The following NDUFA5 variants were observed in gnomAD, a reference collection of about 807,000 sequenced individuals.
The protein encoded by NDUFA5 is NADH dehydrogenase [ubiquinone] 1 alpha subcomplex subunit 5.
Under a neutral mutation model 19.8 loss-of-function variants are expected in NDUFA5, and 11 were observed. The ratio of observed to expected loss-of-function variants is 0.56; its 90% CI spans 0.35 to 0.92. NDUFA5 has a LOEUF of 0.92. Ranked by LOEUF, NDUFA5 falls within the 40% of genes least tolerant of loss-of-function variation. The probability of loss-of-function intolerance (pLI) is 0.01; values close to 1 mark genes in which losing one functional copy is unlikely to be tolerated. For synonymous variants in NDUFA5, 47 were observed against 46.8 expected (o/e 1.00, Z -0.01); for missense variants, 109 against 134.2 (o/e 0.81, Z 0.93).
At chr7:123,548,647 ATTG>A (rs1798219594) in intron 3 of NDUFA5, among the ~76,000 whole-genome samples, 1 of 152,234 alleles carries the variant, frequency 6.6e-6, no homozygotes, top group Non-Finnish European at 1.5e-5. Flanking sequence ...ACAGGATCAG[ATTG>A]AGAAAATAAC....
chr7:123,570,065 G>T, the NDUFA5 span, among the ~76,000 whole-genome samples: 1 of 132,042 alleles, frequency 7.6e-6, no homozygotes, highest in Non-Finnish European at 1.6e-5. Flanking sequence ...GACGGAGTCT[G>T]GCTCTGTTGC....
intron 3 of NDUFA5, among the ~76,000 whole-genome samples, chr7:123,546,069 T>C (rs1212334619): frequency 6.6e-6 from 1 of 152,116 alleles, no homozygotes; most frequent in Non-Finnish European, 1.5e-5. Context: ...CAGAAATGCA[T>C]AATATATTTT....
the NDUFA5 span, among the ~76,000 whole-genome samples, chr7:123,573,129 T>C: frequency 3.5e-4 from 53 of 152,202 alleles, no homozygotes; most frequent in African/African-American, 1.2e-3. Flanking sequence ...TTCTTTTCTA[T>C]TATTGTCTAT....
chr7:123,548,059 C>T (rs148399606), intron 3 of NDUFA5, among the ~76,000 whole-genome samples: 27 of 152,040 alleles, frequency 1.8e-4, no homozygotes, highest in African/African-American at 4.6e-4. Flanking sequence ...ACACAAACAA[C>T]GCTTTTCACC....
chr7:123,585,381 G>A, the NDUFA5 span, among the ~76,000 whole-genome samples: 2 of 151,716 alleles, frequency 1.3e-5, no homozygotes, highest in Non-Finnish European at 2.9e-5. Context: ...CACACTAGGA[G>A]AAAGTCCTCA....
At chr7:123,545,870 A>C (rs939373198) in intron 3 of NDUFA5, 194 bp from the exon 4 acceptor site, 41 of 495,504 alleles carry the variant, frequency 8.3e-5, no homozygotes, top group Non-Finnish European at 1.4e-5. Flanking sequence ...AATATTGAAA[A>C]GTGCTAAATG....
the NDUFA5 span, among the ~76,000 whole-genome samples, chr7:123,597,920 G>GTGTGTGTGTA: frequency 0.044 from 3,238 of 72,776 alleles, 72 homozygotes; most frequent in South Asian, 0.12. Flanking sequence ...CAAACTTCGT[G>GTGTGTGTGTA]TGTGTGTGTG....
chr7:123,568,453 G>A, the NDUFA5 span, among the ~76,000 whole-genome samples: 1 of 151,946 alleles, frequency 6.6e-6, no homozygotes, highest in Non-Finnish European at 1.5e-5. Flanking sequence ...CCGGGAGGGT[G>A]GAGGTTGCAG....
Position 123,551,568 on chromosome 7 carries a change from T to C in NDUFA5, c.67-982A>G, listed in dbSNP as rs1384272791. ...AAATTTTTTTTTTTAATTTTTCTTATTTGAATTTCTGTAGAAATAAACACA... is the reference window on the plus strand; with the variant it reads ...AAATTTTTTTTTTTAATTTTTCTTACTTGAATTTCTGTAGAAATAAACACA... On this transcript the variant is annotated intron_variant, in intron 2 of 4. Coordinates refer to ENST00000355749, the MANE Select transcript of NDUFA5 (RefSeq NM_005000.5). 7.9e-6 allele frequency: 7 copies of C among 890,496 alleles called. No individual in the cohort carries two copies. The Admixed American group carries it at 4.3e-4, about 55-fold the overall frequency. 55.2% of individuals were successfully genotyped at this position (890,496 alleles called of 1,614,324 possible).
intron 3 of NDUFA5, among the ~76,000 whole-genome samples, chr7:123,549,386 G>A (rs957549933): frequency 6.6e-6 from 1 of 152,148 alleles, no homozygotes; most frequent in African/African-American, 2.4e-5. Context: ...ACAAAAATAG[G>A]ACAATAAGTA....
the NDUFA5 span, among the ~76,000 whole-genome samples, chr7:123,563,306 A>G: frequency 6.6e-6 from 1 of 152,156 alleles, no homozygotes; most frequent in Non-Finnish European, 1.5e-5. Flanking sequence ...TTCCTTTCAC[A>G]TGAACACTTA....
chr7:123,595,718 A>T, the NDUFA5 span, among the ~76,000 whole-genome samples: 20 of 152,302 alleles, frequency 1.3e-4, no homozygotes, highest in South Asian at 3.7e-3. Context: ...ACATTCATCT[A>T]CTTCTCTGGA....
At chr7:123,599,371 G>C in the NDUFA5 span, among the ~76,000 whole-genome samples, 2 of 152,338 alleles carry the variant, frequency 1.3e-5, no homozygotes, top group South Asian at 4.1e-4. Flanking sequence ...CTCCAGTTCT[G>C]ACAAAGCCTC....
the NDUFA5 span, among the ~76,000 whole-genome samples, chr7:123,571,514 T>C: frequency 6.6e-6 from 1 of 152,176 alleles, no homozygotes; most frequent in Non-Finnish European, 1.5e-5. Flanking sequence ...ATAGAAAATA[T>C]GATTTTTAAT....
At chr7:123,593,235 T>G in the NDUFA5 span, among the ~76,000 whole-genome samples, 11 of 152,188 alleles carry the variant, frequency 7.2e-5, no homozygotes, top group African/African-American at 2.4e-4. Context: ...AATTTGCCAG[T>G]CTGTGTCTTG....
rs1797941302 is a variant in NDUFA5, at chr7:123,541,438, T to G, written c.*681A>C. 1 of 152,200 alleles carries G rather than the reference T, an allele frequency of 6.6e-6. No individual in the cohort carries two copies. The highest frequency in any genetic ancestry group is 1.5e-5 in the Non-Finnish European group (1 of 68,032). 9.4% of individuals were successfully genotyped at this position (152,200 alleles called of 1,614,324 possible). The stretch of plus-strand genomic sequence containing the variant: ...TCAATTTCTTTAACTGTACAATGTA[T>G]TCTAATTTGAAGGTTTTCAAATATA... On this transcript the variant is annotated 3_prime_UTR_variant, in exon 5 of 5. Coordinates refer to ENST00000355749, the MANE Select transcript of NDUFA5 (RefSeq NM_005000.5).
At chr7:123,580,957 G>A in the NDUFA5 span, among the ~76,000 whole-genome samples, 1 of 151,880 alleles carries the variant, frequency 6.6e-6, no homozygotes, top group East Asian at 1.9e-4. Flanking sequence ...TCTCAGCAAA[G>A]AGTTCAAAAT....
the NDUFA5 span, among the ~76,000 whole-genome samples, chr7:123,594,349 G>A: frequency 3.3e-5 from 5 of 152,112 alleles, no homozygotes; most frequent in African/African-American, 1.2e-4. Flanking sequence ...TCCTTTGGAG[G>A]AGAAGAGGCA....
At chr7:123,551,545 A>ATT in intron 2 of NDUFA5, 24 of 855,070 alleles carry the variant, frequency 2.8e-5, no homozygotes, top group South Asian at 5.3e-5. Flanking sequence ...AGCACTGCAA[A>ATT]TTTTTTTTTT....
Sources: allele counts gnomAD v4.1 joint callset (sites outside exome capture counted in the v4.1 genomes callset), GRCh38; gene constraint gnomAD v4.1.1; transcripts MANE v1.5; gene names NCBI Gene and HGNC (gene_info 2026-07-23, HGNC 2026-07-21).